RXRA: variants seen among roughly 807,000 people sequenced by gnomAD.
The protein encoded by RXRA is retinoic acid receptor RXR-alpha.
A neutral mutation model predicts 44.5 loss-of-function variants in RXRA; 5 were observed. The ratio of observed to expected loss-of-function variants is 0.11; its 90% CI spans 0.06 to 0.24. The LOEUF (loss-of-function observed/expected upper bound fraction) is 0.24. Ranked by LOEUF, RXRA falls within the 10% of genes least tolerant of loss-of-function variation. The pLI is 1.00. For missense variants in RXRA, 412 were observed against 646.5 expected (o/e 0.64, Z 3.93); for synonymous variants, 291 against 271.4 (o/e 1.07, Z -0.71).
At chr9:134,346,605 T>G (rs1393246418) in intron 1 of RXRA, among the ~76,000 whole-genome samples, 10 of 152,206 alleles carry the variant, frequency 6.6e-5, no homozygotes, top group Non-Finnish European at 1.2e-4. Flanking sequence ...GGACCTGCCC[T>G]AGGTCCTGGC....
intron 1 of RXRA, among the ~76,000 whole-genome samples, chr9:134,359,703 G>A (rs892038463): frequency 1.1e-4 from 16 of 152,070 alleles, no homozygotes; most frequent in African/African-American, 3.6e-4. Context: ...GGCAGGGGAA[G>A]CGTGGCCCTG....
chr9:134,434,028 A>G (rs2119212739), intron 8 of RXRA, 74 bp from the exon 9 acceptor site: 1 of 1,147,304 alleles, frequency 8.7e-7, no homozygotes, highest in Non-Finnish European at 1.3e-6. Context: ...ACCCCACACA[A>G]GCCTGGGTCC....
intron 1 of RXRA, among the ~76,000 whole-genome samples, chr9:134,362,383 G>T (rs1233988715): frequency 6.6e-6 from 1 of 152,182 alleles, no homozygotes; most frequent in African/African-American, 2.4e-5. Flanking sequence ...GGCCCGCCTC[G>T]CTGGGTGCCC....
At chr9:134,381,231 A>AT (rs1045214863) in intron 1 of RXRA, among the ~76,000 whole-genome samples, 5 of 152,136 alleles carry the variant, frequency 3.3e-5, no homozygotes, top group Non-Finnish European at 5.9e-5. Context: ...AGGCAGGCGT[A>AT]TGGGAGTGCG....
At chr9:134,377,127 G>T (rs945790552) in intron 1 of RXRA, among the ~76,000 whole-genome samples, 1 of 152,180 alleles carries the variant, frequency 6.6e-6, no homozygotes, top group Non-Finnish European at 1.5e-5. Flanking sequence ...CTTTGGGGAC[G>T]GAGCCCCAAG....
At chr9:134,386,717 A>AC (rs113197889) in intron 1 of RXRA, among the ~76,000 whole-genome samples, 16,519 of 134,782 alleles carry the variant, frequency 0.12, 3,019 homozygotes, top group African/African-American at 0.41. Flanking sequence ...CGAGGCCAGG[A>AC]CCACTGGGGT....
chr9:134,329,624 G>T (rs1371953699), intron 1 of RXRA, among the ~76,000 whole-genome samples: 2 of 152,096 alleles, frequency 1.3e-5, no homozygotes, highest in Non-Finnish European at 2.9e-5. Context: ...TGGGGTGCAG[G>T]TTGAGCCGGC....
Position 134,360,941 on chromosome 9 carries a change from C to T in RXRA, c.28+34282C>T, listed in dbSNP as rs1162728383. Among the ~76,000 whole-genome samples the T allele has an allele frequency of 7.2e-5, 11 of 152,292 alleles. No homozygotes were observed. The East Asian group carries it at 1.2e-3, about 16-fold the overall frequency. On this transcript the variant is annotated intron_variant, in intron 1 of 9. Transcript: ENST00000481739. Reference sequence around the variant, plus strand: ...AGGGTTCCGTTGGCCCTCAGAATTGCGGGTGACTCCTGTCTTTTCCCCTGG... The same window carrying T: ...AGGGTTCCGTTGGCCCTCAGAATTGTGGGTGACTCCTGTCTTTTCCCCTGG...
chr9:134,382,514 G>A (rs1830661701), intron 1 of RXRA, among the ~76,000 whole-genome samples: 1 of 152,200 alleles, frequency 6.6e-6, no homozygotes, highest in Admixed American at 6.5e-5. Flanking sequence ...TGGCTTTGCT[G>A]GACTGGCAAG....
At chr9:134,430,517 G>A (rs879429171) in intron 7 of RXRA, among the ~76,000 whole-genome samples, 40 of 152,362 alleles carry the variant, frequency 2.6e-4, no homozygotes, top group Middle Eastern at 3.4e-3. Context: ...ACCTCCATGG[G>A]ATGTGCCAAG....
At chr9:134,431,862 T>G (rs754915419) in intron 7 of RXRA, 43 bp from the exon 8 acceptor site, 20 of 1,494,194 alleles carry the variant, frequency 1.3e-5, no homozygotes, top group Non-Finnish European at 1.9e-5. Flanking sequence ...TGGTGAGGGC[T>G]GCGACCTAAC....
In RXRA at chr9:134,326,490, C is replaced by T. The variant is rs1203700782; in HGVS notation, c.-142C>T. On this transcript the variant is annotated 5_prime_UTR_variant, in exon 1 of 10. Coordinates refer to ENST00000481739, the MANE Select transcript of RXRA (RefSeq NM_002957.6). ...GTTGGGCGACTTTTGCAACAACTCG[C>T]CGCGCCGCGGCCTCCGCGCGCCGCC... 1.3e-4 allele frequency: 18 copies of T among 142,940 alleles called. No homozygotes were observed. The highest frequency in any genetic ancestry group is 4.5e-4 in the African/African-American group (18 of 39,868). The allele number at this position is 142,940 out of a possible 1,614,324, so 8.9% of individuals were successfully genotyped here.
intron 1 of RXRA, among the ~76,000 whole-genome samples, chr9:134,335,933 C>A (rs1427285702): frequency 1.3e-5 from 2 of 152,178 alleles, no homozygotes; most frequent in Admixed American, 1.3e-4. Flanking sequence ...GCCCGGGAGC[C>A]CCCTGTGTGA....
At position 134,368,574 on chromosome 9, in the gene RXRA, A is replaced by T. The variant is rs931488225; in HGVS notation, c.29-33058A>T. Among the ~76,000 whole-genome samples, 7 of 151,360 alleles carry T rather than the reference A, an allele frequency of 4.6e-5. 1 individual carries two copies. Among genetic ancestry groups the T allele is most frequent in the Admixed American group, 1.3e-4 (2 of 15,214 alleles). ...GTGTGACTGTGTATTTTGTATGTAT[A>T]GGTATGTGTGACTGTAGGTGACTGT... On this transcript the variant is annotated intron_variant, in intron 1 of 9. Transcript: ENST00000481739.
At chr9:134,338,802 C>T (rs763983682) in intron 1 of RXRA, among the ~76,000 whole-genome samples, 32 of 152,318 alleles carry the variant, frequency 2.1e-4, no homozygotes, top group Non-Finnish European at 3.2e-4. Flanking sequence ...ACTGGGGGAG[C>T]GAGCAGGCCT....
chr9:134,421,653 C>G (rs780957106), intron 5 of RXRA, 23 bp from the exon 6 acceptor site: 3 of 1,551,904 alleles, frequency 1.9e-6, no homozygotes, highest in Non-Finnish European at 2.6e-6. Context: ...ACTGAATGTC[C>G]TGCTCTTCTT....
At chr9:134,414,722 C>T (rs1296653590) in intron 4 of RXRA, among the ~76,000 whole-genome samples, 4 of 152,238 alleles carry the variant, frequency 2.6e-5, no homozygotes, top group South Asian at 2.1e-4. Context: ...CTTTAGAATT[C>T]TGCCCTTGCT....
At chr9:134,385,992 C>T (rs1186619701) in intron 1 of RXRA, among the ~76,000 whole-genome samples, 5 of 152,250 alleles carry the variant, frequency 3.3e-5, no homozygotes, top group African/African-American at 9.6e-5. Flanking sequence ...GAAATGAGGC[C>T]GGGGTCCTTG....
At position 134,408,252 on chromosome 9, in the gene RXRA, C is replaced by T; in HGVS notation, c.383C>T (p.Ala128Val). ...CCCGCCCACCCCTCAGGAAACATGGCTTCCTTCACCAAGCACATCTGCGCC... is the reference window on the plus strand; with the variant it reads ...CCCGCCCACCCCTCAGGAAACATGGTTTCCTTCACCAAGCACATCTGCGCC... ...KVPAHPSGNM[A>V]SFTKHICAIC... Residue 128 changes from alanine (A) to valine (V), a missense_variant, in exon 3 of 10, where the codon GCT becomes GTT. Ala to Val is a moderately conservative substitution (Grantham distance 64). This residue lies in a region of RXRA where 156 missense variants were observed against 177.2 expected (regional missense o/e 0.88). Coordinates refer to ENST00000481739, the MANE Select transcript of RXRA (RefSeq NM_002957.6). 2 of 1,612,216 alleles carry T rather than the reference C, an allele frequency of 1.2e-6. No individual in the cohort carries two copies. The highest frequency in any genetic ancestry group is 4.5e-5 in the East Asian group (2 of 44,804).
Sources: allele counts gnomAD v4.1 joint callset (sites outside exome capture counted in the v4.1 genomes callset), GRCh38; gene constraint gnomAD v4.1.1; regional missense constraint gnomAD v4.1.1; transcripts MANE v1.5; gene names NCBI Gene and HGNC (gene_info 2026-07-23, HGNC 2026-07-21).